Variants in LRRTM3 observed in about 807,000 individuals in gnomAD.
The protein encoded by LRRTM3 is leucine rich repeat transmembrane neuronal 3, also known as leucine-rich repeat transmembrane neuronal protein 3.
LRRTM3 carries 24 observed loss-of-function variants against 44.7 expected under a neutral mutation model. That is an observed-to-expected ratio of 0.54 (90% CI 0.39 to 0.76). LRRTM3 has a LOEUF of 0.76. Ranked by LOEUF, LRRTM3 falls within the 30% of genes least tolerant of loss-of-function variation. LRRTM3 has a pLI of 0.00. For missense variants in LRRTM3, 587 were observed against 702.2 expected (o/e 0.84, Z 1.85); for synonymous variants, 277 against 278.7 (o/e 0.99, Z 0.06).
chr10:67,066,296 G>T (rs1198413058), intron 2 of LRRTM3, among the ~76,000 whole-genome samples: 7 of 148,594 alleles, frequency 4.7e-5, no homozygotes, highest in Non-Finnish European at 1.0e-4. Flanking sequence ...GGGTTCAAGA[G>T]ATTCTCCTGC....
intron 2 of LRRTM3, among the ~76,000 whole-genome samples, chr10:66,987,668 T>C (rs1189992179): frequency 2.0e-5 from 3 of 152,194 alleles, no homozygotes; most frequent in Non-Finnish European, 2.9e-5. Flanking sequence ...AACACCATTT[T>C]TCCATTCAAA....
Position 66,981,148 on chromosome 10 carries a change from C to T in LRRTM3, c.1536+52696C>T, listed in dbSNP as rs555513624. Among the ~76,000 whole-genome samples the T allele has an allele frequency of 3.3e-4, 51 of 152,302 alleles. 1 individual carries two copies. The highest frequency in any genetic ancestry group is 2.0e-3 in the Admixed American group (30 of 15,300). The stretch of plus-strand genomic sequence containing the variant: ...CGAACTCCTAACCTCATGTGATCCA[C>T]CTACCTTGGCCTCCCAAAGTGCTGG... On this transcript the variant is annotated intron_variant, in intron 2 of 2. Coordinates refer to ENST00000361320, the MANE Select transcript of LRRTM3 (RefSeq NM_178011.5).
chr10:67,061,888 A>T (rs1855775382), intron 2 of LRRTM3, among the ~76,000 whole-genome samples: 1 of 152,210 alleles, frequency 6.6e-6, no homozygotes, highest in Non-Finnish European at 1.5e-5. Context: ...TTCTAGATTC[A>T]TGCAGAGTTT....
chr10:67,058,335 A>G (rs569970783), intron 2 of LRRTM3, among the ~76,000 whole-genome samples: 2 of 152,292 alleles, frequency 1.3e-5, no homozygotes, highest in South Asian at 4.1e-4. Flanking sequence ...GTCAGATAAC[A>G]TATTGTTTTA....
At chr10:66,972,274 C>T (rs371116021) in intron 2 of LRRTM3, among the ~76,000 whole-genome samples, 100 of 152,232 alleles carry the variant, frequency 6.6e-4, no homozygotes, top group Middle Eastern at 3.4e-3. Flanking sequence ...ACTCCTTTAC[C>T]CACATGACAT....
At chr10:67,069,557 GCCCCACCCCA>G (rs549930721) in intron 2 of LRRTM3, among the ~76,000 whole-genome samples, 1,694 of 96,332 alleles carry the variant, frequency 0.018, 15 homozygotes, top group African/African-American at 0.061. Flanking sequence ...ACAGCAGCCC[GCCCCACCCCA>G]CCCCACCCCA....
At chr10:66,962,887 C>T (rs1849197276) in intron 2 of LRRTM3, among the ~76,000 whole-genome samples, 1 of 151,978 alleles carries the variant, frequency 6.6e-6, no homozygotes, top group African/African-American at 2.4e-5. Context: ...AACAATGCAC[C>T]CCATAAAGGC....
intron 2 of LRRTM3, among the ~76,000 whole-genome samples, chr10:67,090,399 G>A (rs1481258379): frequency 6.6e-6 from 1 of 152,020 alleles, no homozygotes; most frequent in East Asian, 1.9e-4. Context: ...CACACTAATG[G>A]AAATAAGAGC....
At chr10:67,069,945 G>A (rs1024539968) in intron 2 of LRRTM3, among the ~76,000 whole-genome samples, 1 of 152,074 alleles carries the variant, frequency 6.6e-6, no homozygotes. Context: ...TAGAATTACT[G>A]GGTCATGGGA....
chr10:66,973,790 A>G (rs1849864461), intron 2 of LRRTM3, among the ~76,000 whole-genome samples: 1 of 151,762 alleles, frequency 6.6e-6, no homozygotes, highest in Non-Finnish European at 1.5e-5. Flanking sequence ...TGCCCAGCTA[A>G]TTTTTTGTAT....
intron 2 of LRRTM3, among the ~76,000 whole-genome samples, chr10:67,066,560 C>A (rs1022016326): frequency 4.1e-5 from 6 of 148,144 alleles, no homozygotes; most frequent in Non-Finnish European, 5.9e-5. Context: ...AAGGTACATA[C>A]ACACCAACCA....
intron 2 of LRRTM3, among the ~76,000 whole-genome samples, chr10:67,034,460 T>C (rs1313442360): frequency 6.6e-6 from 1 of 152,210 alleles, no homozygotes; most frequent in Non-Finnish European, 1.5e-5. Context: ...CATCTTCTAG[T>C]GTCCAGTGCC....
rs182562057 is a variant in LRRTM3, at chr10:66,942,942, T to C, written c.1536+14490T>C. Reference sequence around the variant, plus strand: ...CAAAGGAAGAATTCCAATGGGCACTTAATGAGCACCTATAATGTGCAGGCA... The same window carrying C: ...CAAAGGAAGAATTCCAATGGGCACTCAATGAGCACCTATAATGTGCAGGCA... On this transcript the variant is annotated intron_variant, in intron 2 of 2. Coordinates refer to ENST00000361320, the MANE Select transcript of LRRTM3 (RefSeq NM_178011.5). Among the ~76,000 whole-genome samples, 3 of 152,338 alleles carry C rather than the reference T, an allele frequency of 2.0e-5. No individual in the cohort carries two copies. The East Asian group carries it at 5.8e-4, about 29-fold the overall frequency.
intron 2 of LRRTM3, among the ~76,000 whole-genome samples, chr10:67,069,022 C>T (rs989800599): frequency 8.6e-5 from 13 of 151,014 alleles, no homozygotes; most frequent in South Asian, 8.4e-4. Context: ...CCACTGAACT[C>T]CACTCTGGGC....
At chr10:66,987,079 C>T (rs553116411) in intron 2 of LRRTM3, among the ~76,000 whole-genome samples, 49 of 152,222 alleles carry the variant, frequency 3.2e-4, no homozygotes, top group African/African-American at 1.1e-3. Context: ...GCAAAAGTCC[C>T]GACGTGAAGT....
intron 2 of LRRTM3, among the ~76,000 whole-genome samples, chr10:67,080,877 C>G (rs1403234401): frequency 6.6e-6 from 1 of 150,940 alleles, no homozygotes; most frequent in Non-Finnish European, 1.5e-5. Context: ...CCACTGCACT[C>G]CAGCCTGGGC....
chr10:67,033,755 A>C (rs920272225), intron 2 of LRRTM3, among the ~76,000 whole-genome samples: 14 of 152,098 alleles, frequency 9.2e-5, no homozygotes, highest in African/African-American at 3.4e-4. Flanking sequence ...TGCATAAGTA[A>C]CTTTTACTGT....
intron 2 of LRRTM3, among the ~76,000 whole-genome samples, chr10:67,080,821 A>C (rs1564877913): frequency 6.6e-6 from 1 of 151,796 alleles, no homozygotes; most frequent in Admixed American, 6.6e-5. Context: ...AGGCAGGAGA[A>C]TGGCGTGAAC....
chr10:66,994,975 C>A (rs908594041), intron 2 of LRRTM3, among the ~76,000 whole-genome samples: 1 of 152,162 alleles, frequency 6.6e-6, no homozygotes, highest in Non-Finnish European at 1.5e-5. Flanking sequence ...CAAGGTCTAT[C>A]TTCCTGCTAC....
Sources: allele counts gnomAD v4.1 joint callset (sites outside exome capture counted in the v4.1 genomes callset), GRCh38; gene constraint gnomAD v4.1.1; transcripts MANE v1.5; gene names NCBI Gene and HGNC (gene_info 2026-07-23, HGNC 2026-07-21).